Variants in PPP2R1A observed in about 807,000 individuals in gnomAD.
PPP2R1A encodes the protein protein phosphatase 2 scaffold subunit Aalpha.
Under a neutral mutation model 67.1 loss-of-function variants are expected in PPP2R1A, and 15 were observed. The observed-to-expected ratio is 0.22, with a 90% confidence interval of 0.15 to 0.34. The LOEUF is 0.34. PPP2R1A is among the 10% of genes least tolerant of loss of function. The pLI is 1.00. For missense variants in PPP2R1A, 369 were observed against 775.0 expected (o/e 0.48, Z 6.22); for synonymous variants, 337 against 325.0 (o/e 1.04, Z -0.40).
At chr19:52,204,506 G>GCTATCCTTC (rs2089583080) in intron 2 of PPP2R1A, among the ~76,000 whole-genome samples, 1 of 152,206 alleles carries the variant, frequency 6.6e-6, no homozygotes, top group Non-Finnish European at 1.5e-5. Context: ...TTCCAAGAAG[G>GCTATCCTTC]ATAGTTCTCT....
Position 52,194,680 on chromosome 19 carries a change from C to T in PPP2R1A, c.78+4506C>T, listed in dbSNP as rs904269094. ...TGAGGGTGACTGAAGTTTGAACCCC[C>T]GCTCTGCCAGTTGTGCTCTCTGTGT... is the stretch of plus-strand genomic sequence containing the variant. On this transcript the variant is annotated intron_variant, in intron 1 of 14. Coordinates refer to ENST00000322088, the MANE Select transcript of PPP2R1A (RefSeq NM_014225.6). Among the ~76,000 whole-genome samples, 12 of 152,078 alleles carry T rather than the reference C, an allele frequency of 7.9e-5. No homozygotes were observed. In the South Asian group the frequency reaches 1.0e-3, roughly 13 times the overall value.
rs180956701 is a variant in PPP2R1A at position 52,223,181 on chromosome 19, T to A, written c.1661+940T>A. Reference sequence around the variant, plus strand: ...GTTCAGTGGAGAAATGTATGTTTTTTAAAAAACATAGCTGAGTCAATTTGA... The same window carrying A: ...GTTCAGTGGAGAAATGTATGTTTTTAAAAAAACATAGCTGAGTCAATTTGA... On this transcript the variant is annotated intron_variant, in intron 13 of 14. Transcript: ENST00000322088. 9.2e-5 allele frequency among the ~76,000 whole-genome samples: 14 copies of A among 152,326 alleles called. 1 individual carries two copies. Among genetic ancestry groups the A allele is most frequent in the Admixed American group, 3.9e-4 (6 of 15,292 alleles).
At chr19:52,209,293 G>A (rs552746656) in intron 3 of PPP2R1A, among the ~76,000 whole-genome samples, 30 of 152,226 alleles carry the variant, frequency 2.0e-4, no homozygotes, top group African/African-American at 7.2e-4. Flanking sequence ...TGGGAGAACT[G>A]AGGTGAACAA....
At chr19:52,206,874 C>T (rs920703938) in intron 3 of PPP2R1A, among the ~76,000 whole-genome samples, 2 of 151,902 alleles carry the variant, frequency 1.3e-5, no homozygotes, top group African/African-American at 4.9e-5. Context: ...TGCCCCACTC[C>T]CCCAGTGATT....
intron 3 of PPP2R1A, among the ~76,000 whole-genome samples, chr19:52,209,698 C>T (rs2089645711): frequency 6.6e-6 from 1 of 152,170 alleles, no homozygotes; most frequent in Admixed American, 6.5e-5. Flanking sequence ...CAGCCCCTGG[C>T]AGCCACCGTA....
intron 3 of PPP2R1A, among the ~76,000 whole-genome samples, chr19:52,207,561 A>G (rs983475760): frequency 8.5e-5 from 13 of 152,176 alleles, no homozygotes; most frequent in African/African-American, 2.7e-4. Flanking sequence ...GATGTGCCTG[A>G]CGTTCATGTC....
In PPP2R1A at chr19:52,226,165, C is replaced by T; in HGVS notation, c.*184C>T. On this transcript the variant is annotated 3_prime_UTR_variant, in exon 15 of 15. Coordinates refer to ENST00000322088, the MANE Select transcript of PPP2R1A (RefSeq NM_014225.6). ...GGAAGATGTCTCACTGTCCACCTCCCAACGGGCTAGGGGAGCACGGGGTTG... is the reference window on the plus strand; with the variant it reads ...GGAAGATGTCTCACTGTCCACCTCCTAACGGGCTAGGGGAGCACGGGGTTG... The T allele has an allele frequency of 1.1e-6, 1 of 931,448 alleles. No individual in the cohort carries two copies. Among genetic ancestry groups the T allele is most frequent in the East Asian group, 2.6e-5 (1 of 38,192 alleles). The allele number at this position is 931,448 out of a possible 1,614,324, so 57.7% of individuals were successfully genotyped here. A position where few individuals can be genotyped will look rare whatever the true frequency, so the allele number is the denominator to read the frequency against.
intron 3 of PPP2R1A, among the ~76,000 whole-genome samples, chr19:52,209,064 A>C (rs372892889): frequency 2.0e-5 from 3 of 152,166 alleles, no homozygotes; most frequent in Non-Finnish European, 4.4e-5. Flanking sequence ...GTTTTGGTCC[A>C]TGCTGGGATA....
Position 52,216,538 on chromosome 19 carries a change from T to C in PPP2R1A, c.1003T>C (p.Ser335Pro). Residue 335 changes from serine (S) to proline (P), a missense_variant, in exon 9 of 15, where the codon TCC (serine) becomes CCC (proline). Ser to Pro is a moderately conservative substitution (Grantham distance 74). Transcript: ENST00000322088. The surrounding 1 kb of genome is among the most constrained non-coding windows in gnomAD (Gnocchi z 4.3). ...CTCTTCTCTCTCCCAGGAGCTGGTG[T>C]CCGATGCCAACCAACATGTCAAGTC... is the stretch of plus-strand genomic sequence containing the variant. Reference protein sequence around the residue: ...QILPCIKELVSDANQHVKSAL... With the variant: ...QILPCIKELVPDANQHVKSAL... The C allele has an allele frequency of 6.2e-7, 1 of 1,614,170 alleles. No individual in the cohort carries two copies. The highest frequency in any genetic ancestry group is 2.2e-5 in the East Asian group (1 of 44,872).
chr19:52,200,946 A>ACATAACT (rs2089541558), intron 1 of PPP2R1A: 2 of 148,266 alleles, frequency 1.3e-5, no homozygotes, highest in African/African-American at 5.1e-5. Flanking sequence ...ACGTCACTGG[A>ACATAACT]TTCAAGGCTA....
chr19:52,220,002 C>T (rs1568597871), intron 10 of PPP2R1A, 138 bp downstream of exon 10: 4 of 1,266,346 alleles, frequency 3.2e-6, no homozygotes, highest in African/African-American at 1.5e-5. Flanking sequence ...GGAAGGGACC[C>T]AGGAAATAGG....
intron 2 of PPP2R1A, 30 bp from the exon 3 acceptor site, chr19:52,205,933 A>G: frequency 6.3e-7 from 1 of 1,576,414 alleles, no homozygotes; most frequent in Non-Finnish European, 8.7e-7. Flanking sequence ...TTGAGATGGG[A>G]TAGTCACGAA....
intron 13 of PPP2R1A, among the ~76,000 whole-genome samples, chr19:52,224,152 C>T (rs1206210813): frequency 2.0e-5 from 3 of 152,132 alleles, no homozygotes; most frequent in Admixed American, 1.3e-4. Flanking sequence ...ATGAAGGAAT[C>T]GAGATGATGG....
In PPP2R1A at chr19:52,226,029, C is replaced by T; in HGVS notation, c.*48C>T. 6.2e-7 allele frequency: 1 copy of T among 1,613,896 alleles called. No homozygotes were observed. Among genetic ancestry groups the T allele is most frequent in the South Asian group, 1.1e-5 (1 of 91,084 alleles). On this transcript the variant is annotated 3_prime_UTR_variant, in exon 15 of 15. Coordinates refer to ENST00000322088, the MANE Select transcript of PPP2R1A (RefSeq NM_014225.6). Reference sequence around the variant, plus strand: ...GGCCTCTGGTGTCCACCCTCCAACCCCCACAAGTCCCTCTTTGGGGAGACA... The same window carrying T: ...GGCCTCTGGTGTCCACCCTCCAACCTCCACAAGTCCCTCTTTGGGGAGACA...
chr19:52,215,738 C>G (rs770230008), intron 6 of PPP2R1A, 41 bp from the exon 7 acceptor site: 1 of 1,557,926 alleles, frequency 6.4e-7, no homozygotes, highest in Admixed American at 1.7e-5. Flanking sequence ...GAGTAAACTG[C>G]CAGCCCCTCT....
intron 3 of PPP2R1A, among the ~76,000 whole-genome samples, chr19:52,209,724 T>C (rs1354114429): frequency 6.6e-6 from 1 of 152,214 alleles, no homozygotes; most frequent in Non-Finnish European, 1.5e-5. Context: ...TTGACTGTTC[T>C]AGATTCCTCA....
intron 2 of PPP2R1A, among the ~76,000 whole-genome samples, chr19:52,202,253 AGAACGAGGTT>A (rs1217035406): frequency 1.3e-5 from 2 of 150,644 alleles, no homozygotes; most frequent in African/African-American, 4.9e-5. Context: ...AGAAGCAGGT[AGAACGAGGTT>A]TGAGTTGCAG....
In PPP2R1A at chr19:52,219,613, G is replaced by A. The variant is rs1379628903; in HGVS notation, c.1129-78G>A. The A allele has an allele frequency of 7.0e-7, 1 of 1,425,904 alleles. No individual in the cohort carries two copies. The highest frequency in any genetic ancestry group is 1.4e-5 in the African/African-American group (1 of 70,658). The allele number at this position is 1,425,904 out of a possible 1,614,324, so 88.3% of individuals were successfully genotyped here. A position where few individuals can be genotyped will look rare whatever the true frequency, so the allele number is the denominator to read the frequency against. Reference sequence around the variant, plus strand: ...TCGGGAGATGTCCATAAAAGTTGATGCAGCTGAGCTCTTTCCATCCTGTCC... The same window carrying A: ...TCGGGAGATGTCCATAAAAGTTGATACAGCTGAGCTCTTTCCATCCTGTCC... On this transcript the variant is annotated intron_variant, in intron 9 of 14. Coordinates refer to ENST00000322088, the MANE Select transcript of PPP2R1A (RefSeq NM_014225.6). This position sits in a 1 kb window ranked among gnomAD's most constrained non-coding sequence, Gnocchi z 4.0.
At chr19:52,215,082 G>C (rs148395451) in intron 6 of PPP2R1A, among the ~76,000 whole-genome samples, 28 of 152,184 alleles carry the variant, frequency 1.8e-4, no homozygotes, top group African/African-American at 6.7e-4. Flanking sequence ...TTGAGACAGG[G>C]TCTCACACCA....
Sources: gnomAD v4.1 joint callset for allele counts (sites outside exome capture counted in the v4.1 genomes callset) on GRCh38, gnomAD v4.1.1 for gene constraint, Gnocchi (gnomAD v3.1) non-coding constraint, MANE v1.5 for transcripts, NCBI Gene and HGNC (gene_info 2026-07-23, HGNC 2026-07-21) for gene names.